ANO3: variants seen among roughly 807,000 people sequenced by gnomAD.
ANO3 encodes the protein anoctamin 3.
Under a neutral mutation model 144.8 loss-of-function variants are expected in ANO3, and 99 were observed. That is an observed-to-expected ratio of 0.68 (90% CI 0.58 to 0.81). ANO3 has a LOEUF of 0.81. Among genes scored for constraint, ANO3 ranks in the 30% least tolerant of loss-of-function variants. ANO3 has a pLI of 0.00. For missense variants in ANO3, 905 were observed against 1,202.2 expected (o/e 0.75, Z 3.66); for synonymous variants, 414 against 392.6 (o/e 1.05, Z -0.64).
At chr11:26,241,140 T>C (rs918244718) in intron 1 of ANO3, among the ~76,000 whole-genome samples, 1 of 151,978 alleles carries the variant, frequency 6.6e-6, no homozygotes, top group Non-Finnish European at 1.5e-5. Flanking sequence ...CTCTCTCTCT[T>C]TGCCTGTCAC....
intron 14 of ANO3, among the ~76,000 whole-genome samples, chr11:26,587,678 C>T (rs1218286891): frequency 6.6e-6 from 1 of 152,060 alleles, no homozygotes; most frequent in African/African-American, 2.4e-5. Context: ...AGGTTGGGGC[C>T]AGGTGCGGTG....
intron 22 of ANO3, among the ~76,000 whole-genome samples, chr11:26,642,342 C>CTTTT (rs576729432): frequency 2.7e-3 from 253 of 93,030 alleles, no homozygotes; most frequent in African/African-American, 6.4e-3. Context: ...TTCTTTCTTT[C>CTTTT]TTTTTTTTTT....
At chr11:26,472,459 T>C (rs1308785132) in intron 4 of ANO3, among the ~76,000 whole-genome samples, 2 of 151,912 alleles carry the variant, frequency 1.3e-5, no homozygotes, top group Non-Finnish European at 2.9e-5. Context: ...CTACGTAACT[T>C]TCCTGTTATC....
intron 23 of ANO3, among the ~76,000 whole-genome samples, chr11:26,645,105 A>T (rs1043801205): frequency 6.6e-6 from 1 of 151,680 alleles, no homozygotes; most frequent in Non-Finnish European, 1.5e-5. Flanking sequence ...TGTTTTGTGT[A>T]TTTGCTTGTT....
intron 1 of ANO3, among the ~76,000 whole-genome samples, chr11:26,353,899 A>G (rs1426967774): frequency 6.6e-6 from 1 of 152,174 alleles, no homozygotes; most frequent in Non-Finnish European, 1.5e-5. Context: ...GTCACTACCA[A>G]TTTTAACAAG....
intron 1 of ANO3, among the ~76,000 whole-genome samples, chr11:26,232,118 T>C (rs938092141): frequency 2.6e-5 from 4 of 152,192 alleles, no homozygotes; most frequent in African/African-American, 9.6e-5. Flanking sequence ...CTAGGGAACC[T>C]CCTCTATTGA....
chr11:26,226,582 C>T (rs1441184274), intron 1 of ANO3, among the ~76,000 whole-genome samples: 4 of 152,018 alleles, frequency 2.6e-5, no homozygotes, highest in African/African-American at 4.8e-5. Context: ...TTTTATCTTC[C>T]CTTCTCCCCT....
chr11:26,561,061 A>G, intron 14 of ANO3: 1 of 1,602,176 alleles, frequency 6.2e-7, no homozygotes, highest in South Asian at 1.1e-5. Context: ...TTTTGCTGTT[A>G]GTTCTATACA....
At chr11:26,313,028 C>A (rs1854536687) in intron 1 of ANO3, among the ~76,000 whole-genome samples, 1 of 152,110 alleles carries the variant, frequency 6.6e-6, no homozygotes, top group Non-Finnish European at 1.5e-5. Flanking sequence ...TGTTTCAAAT[C>A]AGTTGTTCCT....
At chr11:26,340,430 T>C (rs970660525) in intron 1 of ANO3, among the ~76,000 whole-genome samples, 1 of 152,190 alleles carries the variant, frequency 6.6e-6, no homozygotes, top group Non-Finnish European at 1.5e-5. Context: ...CTTACATCTA[T>C]ATGATCTAGG....
chr11:26,411,020 T>TTTCAGTGATTTACTAGAGTGGAGAAAAG (rs1194853763), intron 1 of ANO3, among the ~76,000 whole-genome samples: 1 of 151,990 alleles, frequency 6.6e-6, no homozygotes, highest in Admixed American at 6.6e-5. Flanking sequence ...TTGGCTAAAA[T>TTTCAGTGATTTACTAGAGTGGAGAAAAG]TTCAGTGATT....
At chr11:26,472,513 T>C (rs909595408) in intron 4 of ANO3, among the ~76,000 whole-genome samples, 1 of 151,888 alleles carries the variant, frequency 6.6e-6, no homozygotes, top group South Asian at 2.1e-4. Flanking sequence ...ACAGGGACCA[T>C]GCTGTCAAGC....
At chr11:26,203,792 G>C (rs1044060620) in intron 1 of ANO3, among the ~76,000 whole-genome samples, 3 of 152,038 alleles carry the variant, frequency 2.0e-5, no homozygotes, top group African/African-American at 7.2e-5. Context: ...AATATGCCAG[G>C]GTGGTATATT....
At chr11:26,563,304 T>A in intron 14 of ANO3, 2 of 1,551,924 alleles carry the variant, frequency 1.3e-6, no homozygotes, top group Non-Finnish European at 1.7e-6. Flanking sequence ...ATAAAATAAT[T>A]ATTCAAAGAA....
At chr11:26,198,215 C>T (rs147229019) in intron 1 of ANO3, among the ~76,000 whole-genome samples, 61 of 152,198 alleles carry the variant, frequency 4.0e-4, no homozygotes, top group Non-Finnish European at 7.5e-4. Flanking sequence ...TAATTAAATT[C>T]ATTTCCTGGA....
intron 3 of ANO3, among the ~76,000 whole-genome samples, chr11:26,452,362 A>G (rs1236561993): frequency 1.3e-5 from 2 of 152,206 alleles, no homozygotes; most frequent in Admixed American, 6.5e-5. Flanking sequence ...TAACTAGAAT[A>G]ACCAATACAG....
At chr11:26,646,026 TAA>T (rs1853333589) in intron 23 of ANO3, among the ~76,000 whole-genome samples, 1 of 152,200 alleles carries the variant, frequency 6.6e-6, no homozygotes, top group African/African-American at 2.4e-5. Context: ...CGAAAGTGTA[TAA>T]AGAAAACAGT....
intron 1 of ANO3, among the ~76,000 whole-genome samples, chr11:26,401,909 A>T (rs539580156): frequency 1.8e-4 from 28 of 152,178 alleles, no homozygotes; most frequent in African/African-American, 6.3e-4. Context: ...CTGTTCTGAA[A>T]TAAATTATGA....
At chr11:26,606,961 C>G (rs1259831979) in intron 17 of ANO3, among the ~76,000 whole-genome samples, 1 of 152,080 alleles carries the variant, frequency 6.6e-6, no homozygotes, top group Admixed American at 6.5e-5. Context: ...CAAGGCAGGT[C>G]TGGTGGTGAT....
Sources: allele counts gnomAD v4.1 joint callset (sites outside exome capture counted in the v4.1 genomes callset), GRCh38; gene constraint gnomAD v4.1.1; transcripts MANE v1.5; gene names NCBI Gene and HGNC (gene_info 2026-07-23, HGNC 2026-07-21).